TJP3: variants seen among roughly 807,000 people sequenced by gnomAD.
TJP3 encodes tight junction protein 3, also known as tight junction protein ZO-3.
TJP3 carries 85 observed loss-of-function variants against 104.2 expected under a neutral mutation model. The ratio of observed to expected loss-of-function variants is 0.82; its 90% confidence interval spans 0.68 to 0.98. TJP3 has a LOEUF of 0.98. TJP3 is among the 50% of genes least tolerant of loss of function. The probability of loss-of-function intolerance (pLI) is 0.00; values close to 1 mark genes in which losing one functional copy is unlikely to be tolerated. For missense variants in TJP3, 1,367 were observed against 1,322.8 expected, an observed-to-expected ratio of 1.03 and a Z score of -0.52; for synonymous variants, 550 against 550.6, an observed-to-expected ratio of 1.00 and a Z score of 0.02.
intron 1 of TJP3, among the ~76,000 whole-genome samples, chr19:3,715,638 CTGCGT>C (rs2036470486): frequency 1.3e-5 from 2 of 152,126 alleles, no homozygotes; most frequent in African/African-American, 4.8e-5. Flanking sequence ...TGGGATTTCT[CTGCGT>C]TGCCCATTGA....
chr19:3,725,247 G>A (rs2036584895), intron 1 of TJP3, among the ~76,000 whole-genome samples: 2 of 149,744 alleles, frequency 1.3e-5, no homozygotes, highest in Non-Finnish European at 3.0e-5. Context: ...GGGCAACAGA[G>A]TGAAACCCCG....
chr19:3,744,510 A>C (rs1052768156), intron 15 of TJP3, among the ~76,000 whole-genome samples: 1 of 152,066 alleles, frequency 6.6e-6, no homozygotes, highest in Non-Finnish European at 1.5e-5. Flanking sequence ...CTAAAAATAC[A>C]AAAATTAGCT....
At chr19:3,720,049 C>T (rs541025791) in intron 1 of TJP3, among the ~76,000 whole-genome samples, 103 of 152,322 alleles carry the variant, frequency 6.8e-4, no homozygotes, top group African/African-American at 2.4e-3. Flanking sequence ...CTGGCCTCTA[C>T]GCCCCTTTTA....
chr19:3,735,651 C>G lies in TJP3; in HGVS notation c.1060+12C>G. 6.2e-7 allele frequency: 1 copy of G among 1,613,894 alleles called. No individual in the cohort carries two copies. The highest frequency in any genetic ancestry group is 1.3e-5 in the African/African-American group (1 of 75,026). ...TGAGCAACGGTCAGGTGGGTGGTGA[C>G]TCTGAGCACCCCTGTCCCTGACATT... On this transcript the variant is annotated intron_variant, in intron 9 of 20. Transcript: ENST00000541714.
chr19:3,747,844 C>A lies in TJP3; in HGVS notation c.2373C>A (p.Ala791=). Residue 791 remains alanine, a synonymous_variant, in exon 19 of 21, where the codon GCC becomes GCA. Transcript: ENST00000541714. ...TAGACCTCCCTCACCACGGCCTGGC[C>A]GACAGCTCCGCTGACCTCAGCTGCG... ...DNLDLPHHGL[A]DSSADLSCDS... 6.2e-7 allele frequency: 1 copy of A among 1,610,294 alleles called. No individual in the cohort carries two copies. The highest frequency in any genetic ancestry group is 8.5e-7 in the Non-Finnish European group (1 of 1,179,516).
At chr19:3,714,198 C>T (rs1007444134) in intron 1 of TJP3, among the ~76,000 whole-genome samples, 11 of 151,900 alleles carry the variant, frequency 7.2e-5, no homozygotes, top group Admixed American at 3.9e-4. Flanking sequence ...TACAGCAGCC[C>T]GCCGCCACAC....
rs774220363 is a variant in TJP3, at chr19:3,740,768, G to T, written c.1843+5G>T. ...AACGAGTGGTGTTGCGAGAAGGTGG[G>T]GCCCGGAGCTGGAGGGGCCCTGGGG... is the stretch of plus-strand genomic sequence containing the variant. On this transcript the variant is annotated splice_donor_5th_base_variant and intron_variant, in intron 14 of 20. Coordinates refer to ENST00000541714, the MANE Select transcript of TJP3 (RefSeq NM_001267560.2). The T allele has an allele frequency of 6.4e-7, 1 of 1,560,126 alleles. No homozygotes were observed. Among genetic ancestry groups the T allele is most frequent in the South Asian group, 1.2e-5 (1 of 84,470 alleles).
Position 3,739,052 on chromosome 19 carries a change from G to C in TJP3, c.1549G>C (p.Ala517Pro), listed in dbSNP as rs777561955. 1.2e-6 allele frequency: 2 copies of C among 1,609,494 alleles called. No individual in the cohort carries two copies. Among genetic ancestry groups the C allele is most frequent in the East Asian group, 2.2e-5 (1 of 44,766 alleles). Residue 517 changes from alanine to proline, a missense_variant, in exon 13 of 21, where the codon GCA (alanine) becomes CCA (proline). Transcript: ENST00000541714. Reference protein sequence around the residue: ...TLHPGPGQSHARGGHWLAVRM... With the variant: ...TLHPGPGQSHPRGGHWLAVRM... ...GCACCCCGGCCCCGGGCAGAGCCAC[G>C]CACGAGGAGGCCACTGGCTGGCGGT... is the stretch of plus-strand genomic sequence containing the variant.
chr19:3,746,836 G>C lies in TJP3; in HGVS notation c.2282G>C (p.Arg761Pro), dbSNP rs528581819. 1 of 1,611,816 alleles carries C rather than the reference G, an allele frequency of 6.2e-7. No homozygotes were observed. The highest frequency in any genetic ancestry group is 8.5e-7 in the Non-Finnish European group (1 of 1,179,064). ...TACCAGGAGCTCAAGGCCATCATTC[G>C]AGAGCAGCAGACGCGGCCCATCTGG... is the stretch of plus-strand genomic sequence containing the variant. The part of the protein sequence containing the change: ...TWYQELKAII[R>P]EQQTRPIWTA... The change falls in exon 18 of 21, where the codon CGA (arginine) becomes CCA (proline). Residue 761 changes from arginine to proline, a missense_variant. Coordinates refer to ENST00000541714, the MANE Select transcript of TJP3 (RefSeq NM_001267560.2). The surrounding 1 kb of genome is among the most constrained non-coding windows in gnomAD (Gnocchi z 4.1).
Position 3,747,956 on chromosome 19 carries a change from C to T in TJP3, c.2485C>T (p.Pro829Ser). ...GGGCTACACAGACGGCGAGGGGGGGCCCTACACGGATGTGGATGATGAGCC... is the reference window on the plus strand; with the variant it reads ...GGGCTACACAGACGGCGAGGGGGGGTCCTACACGGATGTGGATGATGAGCC... ...GEGYTDGEGG[P>S]YTDVDDEPPA... The change falls in exon 19 of 21, where the codon CCC becomes TCC. Residue 829 changes from proline to serine, a missense_variant. Physicochemically the swap from Pro to Ser is moderately conservative, Grantham distance 74. Transcript: ENST00000541714. 1.2e-6 allele frequency: 2 copies of T among 1,612,950 alleles called. No individual in the cohort carries two copies. Among genetic ancestry groups the T allele is most frequent in the Non-Finnish European group, 1.7e-6 (2 of 1,179,842 alleles).
At position 3,730,604 on chromosome 19, in the gene TJP3, G is replaced by T. The variant is rs1259905179; in HGVS notation, c.511G>T (p.Ala171Ser). 1 of 1,611,410 alleles carries T rather than the reference G, an allele frequency of 6.2e-7. No individual in the cohort carries two copies. Among genetic ancestry groups the T allele is most frequent in the Admixed American group, 1.7e-5 (1 of 60,012 alleles). The change falls in exon 5 of 21, where the codon GCC becomes TCC. Residue 171 changes from alanine to serine, a missense_variant. Transcript: ENST00000541714. The surrounding 1 kb of genome is among the most constrained non-coding windows in gnomAD (Gnocchi z 7.3). ...TAGGAGCCCAGGTGGTGGCTCTGAGGCCAACGGGCTGGCCCTGGTGTCCGG... is the reference window on the plus strand; with the variant it reads ...TAGGAGCCCAGGTGGTGGCTCTGAGTCCAACGGGCTGGCCCTGGTGTCCGG... Reference protein sequence around the residue: ...GRRSPGGGSEANGLALVSGFK... With the variant: ...GRRSPGGGSESNGLALVSGFK...
At position 3,728,406 on chromosome 19, in the gene TJP3, C is replaced by A. The variant is rs751756687; in HGVS notation, c.-9-18C>A. On this transcript the variant is annotated intron_variant, in intron 1 of 20. Coordinates refer to ENST00000541714, the MANE Select transcript of TJP3 (RefSeq NM_001267560.2). ...CCTGTGTGGCCTCATGCCCATCTTC[C>A]CCGCTCCCCTCGACCAGGTGGCTGA... The A allele has an allele frequency of 6.2e-7, 1 of 1,614,206 alleles. No homozygotes were observed.
rs569391586 is a variant in TJP3 at position 3,718,048 on chromosome 19, T to C, written c.-10+9487T>C. ...GGCTAACACGGTGAAACCCCATCTC[T>C]ACTAAAAGTACAAAAATCAGCCGGG... On this transcript the variant is annotated intron_variant, in intron 1 of 20. Transcript: ENST00000541714. 2.6e-5 allele frequency among the ~76,000 whole-genome samples: 4 copies of C among 151,870 alleles called. No homozygotes were observed. The East Asian group carries it at 5.9e-4, about 22-fold the overall frequency.
intron 1 of TJP3, among the ~76,000 whole-genome samples, chr19:3,727,703 C>G (rs1392650441): frequency 6.6e-6 from 1 of 152,000 alleles, no homozygotes; most frequent in Non-Finnish European, 1.5e-5. Flanking sequence ...TTGAGACCAG[C>G]CTGGCCAACA....
chr19:3,723,806 A>ATATATAT (rs1555737875), intron 1 of TJP3, among the ~76,000 whole-genome samples: 1 of 96,356 alleles, frequency 1.0e-5, no homozygotes, highest in Admixed American at 1.3e-4. Context: ...AGAAAAAAAA[A>ATATATAT]AAATATATAT....
chr19:3,722,715 C>T (rs1444489308), intron 1 of TJP3, among the ~76,000 whole-genome samples: 1 of 152,064 alleles, frequency 6.6e-6, no homozygotes, highest in Non-Finnish European at 1.5e-5. Flanking sequence ...GCCACTCCGC[C>T]CCAAGCTTCA....
At position 3,745,133 on chromosome 19, in the gene TJP3, C is replaced by CTT. The variant is rs549831017; in HGVS notation, c.1940-849_1940-848dup. Among the ~76,000 whole-genome samples the CTT allele has an allele frequency of 2.0e-3, 139 of 70,028 alleles. 17 individuals carry two copies. Among genetic ancestry groups the CTT allele is most frequent in the African/African-American group, 2.1e-3 (34 of 15,866 alleles). 45.9% of individuals were successfully genotyped at this position (70,028 alleles called of 152,430 possible). ...TTAAAAAAAGATGCAAATTTTATGT[C>CTT]TTTTTTTTTTTTTTTTTTTTTTTTT... On this transcript the variant is annotated intron_variant, in intron 15 of 20. Transcript: ENST00000541714.
chr19:3,738,573 C>T lies in TJP3; in HGVS notation c.1303C>T (p.Gln435Ter). 6.2e-7 allele frequency: 1 copy of T among 1,613,714 alleles called. No individual in the cohort carries two copies. The highest frequency in any genetic ancestry group is 8.5e-7 in the Non-Finnish European group (1 of 1,179,840). The change falls in exon 12 of 21, where the codon CAG becomes TAG. Residue 435 changes from glutamine to a stop codon, truncating the protein, a stop_gained. Transcript: ENST00000541714. LOFTEE classifies it high-confidence loss of function. ...QILQVNDVPF[Q>*]NLTREEAVQF... Reference sequence around the variant, plus strand: ...CTGGCAGGTGAATGACGTGCCATTCCAGAACCTGACACGGGAGGAGGCAGT... The same window carrying T: ...CTGGCAGGTGAATGACGTGCCATTCTAGAACCTGACACGGGAGGAGGCAGT...
At chr19:3,710,360 C>A (rs1446747671) in intron 1 of TJP3, among the ~76,000 whole-genome samples, 10 of 152,100 alleles carry the variant, frequency 6.6e-5, no homozygotes, top group Admixed American at 6.6e-4. Context: ...TTACCCCGGG[C>A]CGCACAGCCA....
Sources: allele counts gnomAD v4.1 joint callset (sites outside exome capture counted in the v4.1 genomes callset), GRCh38; gene constraint gnomAD v4.1.1; non-coding constraint Gnocchi (gnomAD v3.1); transcripts MANE v1.5; gene names NCBI Gene and HGNC (gene_info 2026-07-23, HGNC 2026-07-21).